Variants in TPR observed in about 807,000 individuals in gnomAD.
TPR encodes the protein nucleoprotein TPR.
In TPR, 51 loss-of-function variants were observed where a neutral mutation model predicts 316.1. The observed-to-expected ratio is 0.16, with a 90% CI of 0.13 to 0.20. The LOEUF (loss-of-function observed/expected upper bound fraction) is 0.20, where lower values mean the gene tolerates loss of function less well. Ranked by LOEUF, TPR falls within the 10% of genes least tolerant of loss-of-function variation. TPR has a pLI of 1.00. For missense variants in TPR, 2,272 were observed against 2,754.8 expected (o/e 0.82, Z 3.92); for synonymous variants, 981 against 914.7 (o/e 1.07, Z -1.31).
At chr1:186,348,471 T>C (rs1294460340) in intron 21 of TPR, among the ~76,000 whole-genome samples, 1 of 152,046 alleles carries the variant, frequency 6.6e-6, no homozygotes, top group East Asian at 1.9e-4. Flanking sequence ...CCCTTATCAG[T>C]GGTTCTGCTT....
intron 27 of TPR, 117 bp from the exon 28 acceptor site, chr1:186,341,506 T>A (rs542380372): frequency 2.6e-6 from 3 of 1,172,054 alleles, no homozygotes; most frequent in Non-Finnish European, 2.3e-6. Context: ...TTTCAACTTT[T>A]AGAACTAAAA....
intron 26 of TPR, among the ~76,000 whole-genome samples, 177 bp from the exon 27 acceptor site, chr1:186,343,650 A>G (rs376667654): frequency 6.6e-6 from 1 of 152,222 alleles, no homozygotes; most frequent in Non-Finnish European, 1.5e-5. Flanking sequence ...CACTGGCTTT[A>G]GAATGTTTAT....
In TPR at chr1:186,352,069, T is replaced by C. The variant is rs149451556; in HGVS notation, c.2376A>G (p.Lys792=). ...GCTGAGAAAGACGAACTTCAGACAA[T>C]TTAAGCATTTCCTTTTCCTTCTTCA... ...ENLKKEKEML[K]LSEVRLSQQR... The change falls in exon 19 of 51, where the codon AAA becomes AAG. Residue 792 remains lysine (K), a synonymous_variant. Transcript: ENST00000367478. 305 of 1,608,632 alleles carry C rather than the reference T, an allele frequency of 1.9e-4. No individual in the cohort carries two copies. The East Asian group carries it at 6.2e-3, about 33-fold the overall frequency.
chr1:186,341,682 C>CT (rs1188915996), intron 27 of TPR: 1 of 256,306 alleles, frequency 3.9e-6, no homozygotes, highest in Non-Finnish European at 7.3e-6. Context: ...CTTTCTGTAT[C>CT]TTTTTTTCCT....
At chr1:186,325,036 TAA>T (rs1295028484) in intron 42 of TPR, among the ~76,000 whole-genome samples, 2 of 152,158 alleles carry the variant, frequency 1.3e-5, no homozygotes, top group Non-Finnish European at 2.9e-5. Flanking sequence ...TTAAAAAATT[TAA>T]AAGTTTTGTC....
Position 186,314,640 on chromosome 1 carries a change from T to C in TPR, c.7025A>G (p.Asn2342Ser). Residue 2342 changes from asparagine (N) to serine (S), a missense_variant, in exon 50 of 51, where the codon AAC (asparagine) becomes AGC (serine). Transcript: ENST00000367478. ...TGTCAGAAATTCACCTCTCTGTCTG[T>C]TAAACTGACGACCACGGACACCTTG... Reference protein sequence around the residue: ...LRQGVRGRQFNRQRGVSHAMG... With the variant: ...LRQGVRGRQFSRQRGVSHAMG... 6.2e-7 allele frequency: 1 copy of C among 1,610,198 alleles called. No homozygotes were observed.
At position 186,356,302 on chromosome 1, in the gene TPR, A is replaced by G; in HGVS notation, c.1872T>C (p.Val624=). The G allele has an allele frequency of 1.2e-6, 2 of 1,600,966 alleles. No homozygotes were observed. The highest frequency in any genetic ancestry group is 1.3e-5 in the African/African-American group (1 of 74,856). Residue 624 remains valine (V), a synonymous_variant, in exon 15 of 51, where the codon GTT becomes GTC. Coordinates refer to ENST00000367478, the MANE Select transcript of TPR (RefSeq NM_003292.3). ...YRILLSQTTG[V]AIPLHASSLD... The stretch of plus-strand genomic sequence containing the variant: ...AAAACCTACCATGTAATGGAATGGC[A>G]ACTCCTGTTGTTTGTGACAATAAAA...
chr1:186,363,016 GA>G lies in TPR; in HGVS notation c.532-16del. On this transcript the variant is annotated splice_polypyrimidine_tract_variant and intron_variant, in intron 5 of 50. Transcript: ENST00000367478. ...TTTTCTCGATACTAAAGAAATCCAAGAAAATAACACGTACAGTTAAAGATGA... is the reference window on the plus strand; with the variant it reads ...TTTTCTCGATACTAAAGAAATCCAAGAAATAACACGTACAGTTAAAGATGA... 1 of 1,588,812 alleles carries G rather than the reference GA, an allele frequency of 6.3e-7. No homozygotes were observed.
Position 186,375,011 on chromosome 1 carries a change from C to G in TPR, c.18G>C (p.Gln6His). MAAVL[Q>H]QVLERTELNK... ...TCAGCTCCGTGCGCTCCAGGACTTG[C>G]TGCAACACCGCCGCCATGTCGGTGG... Residue 6 changes from glutamine (Q) to histidine (H), a missense_variant, in exon 1 of 51, where the codon CAG becomes CAC. Gln to His is a conservative substitution (Grantham distance 24). Around this residue, in one of 10 missense-constraint regions of TPR, gnomAD observed 549 missense variants for 598.6 expected, o/e 0.92. Coordinates refer to ENST00000367478, the MANE Select transcript of TPR (RefSeq NM_003292.3). The G allele has an allele frequency of 1.2e-6, 2 of 1,614,026 alleles. No homozygotes were observed.
At chr1:186,348,384 C>A (rs147982519) in intron 21 of TPR, among the ~76,000 whole-genome samples, 177 of 152,158 alleles carry the variant, frequency 1.2e-3, no homozygotes, top group African/African-American at 4.1e-3. Flanking sequence ...GTGGTCAGAC[C>A]GGTTCTCTGC....
At chr1:186,337,286 T>C in intron 31 of TPR, 130 bp from the exon 32 acceptor site, 1 of 1,168,710 alleles carries the variant, frequency 8.6e-7, no homozygotes, top group South Asian at 1.9e-5. Flanking sequence ...AAAACAGAAT[T>C]TTCTATGAAA....
In TPR at chr1:186,359,966, G is replaced by A. The variant is rs1340767892; in HGVS notation, c.1222C>T (p.Gln408Ter). 6.2e-7 allele frequency: 1 copy of A among 1,609,086 alleles called. No homozygotes were observed. The highest frequency in any genetic ancestry group is 1.3e-5 in the African/African-American group (1 of 74,562). ...TTCTCTAGTTTCTCCAAAAGCAACTGATCCTGAGTTTCCACATAAGCATTA... is the reference window on the plus strand; with the variant it reads ...TTCTCTAGTTTCTCCAAAAGCAACTAATCCTGAGTTTCCACATAAGCATTA... ...LYNAYVETQD[Q>*]LLLEKLENKR... is the part of the protein sequence containing the mutation. The change falls in exon 12 of 51, where the codon CAG becomes TAG. Residue 408 changes from glutamine to a stop codon, truncating the protein, a stop_gained. Transcript: ENST00000367478. LOFTEE classifies it high-confidence loss of function.
intron 3 of TPR, among the ~76,000 whole-genome samples, chr1:186,369,379 A>G (rs1483930371): frequency 6.6e-6 from 1 of 151,992 alleles, no homozygotes; most frequent in African/African-American, 2.4e-5. Context: ...CTTCTTATCT[A>G]TGAGTATGGT....
At chr1:186,369,149 A>G (rs1203273808) in intron 3 of TPR, among the ~76,000 whole-genome samples, 1 of 152,184 alleles carries the variant, frequency 6.6e-6, no homozygotes, top group African/African-American at 2.4e-5. Context: ...GGATTACTAT[A>G]GTTTTATAAC....
chr1:186,319,072 C>A (rs1408463400), intron 46 of TPR, among the ~76,000 whole-genome samples: 1 of 152,120 alleles, frequency 6.6e-6, no homozygotes, highest in African/African-American at 2.4e-5. Flanking sequence ...CTCACTGTAG[C>A]CTCAAACTCC....
In TPR at chr1:186,341,093, C is replaced by T. The variant is rs779907740; in HGVS notation, c.3955G>A (p.Gly1319Ser). The T allele has an allele frequency of 1.9e-6, 3 of 1,614,100 alleles. No individual in the cohort carries two copies. The highest frequency in any genetic ancestry group is 2.2e-5 in the East Asian group (1 of 44,856). The change falls in exon 29 of 51, where the codon GGT (glycine) becomes AGT (serine). Residue 1319 changes from glycine (G) to serine (S), a missense_variant. Physicochemically the swap from Gly to Ser is moderately conservative, Grantham distance 56. Around this residue, in one of 10 missense-constraint regions of TPR, gnomAD observed 96 missense variants for 134.6 expected, o/e 0.71. Coordinates refer to ENST00000367478, the MANE Select transcript of TPR (RefSeq NM_003292.3). ...AGCTTCTTCTCTGCCTGCAACATAC[C>T]GCTTTTCTCACTCAGCTCAGCATTT... Reference protein sequence around the residue: ...EANAELSEKSGMLQAEKKLLE... With the variant: ...EANAELSEKSSMLQAEKKLLE...
chr1:186,332,283 G>T lies in TPR; in HGVS notation c.5516C>A (p.Thr1839Asn), dbSNP rs1444142520. The stretch of plus-strand genomic sequence containing the variant: ...AGAGACTTGGTCTGATGCTTCTATG[G>T]TGCTATCCTCTTCCTCTTCACGTGT... ...KRTREEEEDSTIEASDQVSDD... is the reference protein window; with the variant it reads ...KRTREEEEDSNIEASDQVSDD... The change falls in exon 38 of 51, where the codon ACC becomes AAC. Residue 1839 changes from threonine to asparagine, a missense_variant. Coordinates refer to ENST00000367478, the MANE Select transcript of TPR (RefSeq NM_003292.3). 1 of 1,612,824 alleles carries T rather than the reference G, an allele frequency of 6.2e-7. No individual in the cohort carries two copies. Among genetic ancestry groups the T allele is most frequent in the East Asian group, 2.2e-5 (1 of 44,846 alleles).
At chr1:186,329,505 T>C (rs776204950) in intron 39 of TPR, among the ~76,000 whole-genome samples, 5 of 152,200 alleles carry the variant, frequency 3.3e-5, no homozygotes, top group African/African-American at 7.2e-5. Flanking sequence ...CTGAAGTTTA[T>C]ACACACAGCC....
chr1:186,348,180 A>G (rs1164676047), intron 21 of TPR, among the ~76,000 whole-genome samples: 1 of 152,166 alleles, frequency 6.6e-6, no homozygotes, highest in African/African-American at 2.4e-5. Flanking sequence ...AGTAGGAGAG[A>G]TATCGCTAAA....
Sources: gnomAD v4.1 joint callset for allele counts (sites outside exome capture counted in the v4.1 genomes callset) on GRCh38, gnomAD v4.1.1 for gene constraint, gnomAD v4.1.1 regional missense constraint, MANE v1.5 for transcripts, NCBI Gene and HGNC (gene_info 2026-07-23, HGNC 2026-07-21) for gene names.